Variants in RELN observed in about 807,000 individuals in gnomAD.
RELN encodes the protein reelin.
RELN carries 108 observed loss-of-function variants against 427.6 expected under a neutral mutation model. The observed-to-expected ratio is 0.25, with a 90% CI of 0.22 to 0.30. The LOEUF (loss-of-function observed/expected upper bound fraction) is 0.30. RELN is among the 10% of genes least tolerant of loss of function. The probability of loss-of-function intolerance (pLI) is 1.00; values close to 1 mark genes in which losing one functional copy is unlikely to be tolerated. For missense variants in RELN, 3,715 were observed against 4,302.8 expected (o/e 0.86, Z 3.82); for synonymous variants, 1,524 against 1,513.4 (o/e 1.01, Z -0.16).
intron 46 of RELN, among the ~76,000 whole-genome samples, chr7:103,533,169 GT>G (rs1185294201): frequency 6.6e-6 from 1 of 152,174 alleles, no homozygotes; most frequent in East Asian, 1.9e-4. Flanking sequence ...ATGGTCATGT[GT>G]TGAGTAGACA....
Position 103,526,377 on chromosome 7 carries a change from A to G in RELN, c.7350-2846T>C, listed in dbSNP as rs116029595. ...GGGAGTTGGCCCCTCAGGAGCAAAG[A>G]TAAGTGAGGGCTTTCATTTGTACTC... is the stretch of plus-strand genomic sequence containing the variant. On this transcript the variant is annotated intron_variant, in intron 46 of 64. Coordinates refer to ENST00000428762, the MANE Select transcript of RELN (RefSeq NM_005045.4). Among the ~76,000 whole-genome samples the G allele has an allele frequency of 3.4e-3, 511 of 152,356 alleles. 3 individuals carry two copies. The highest frequency in any genetic ancestry group is 0.012 in the African/African-American group (484 of 41,582).
chr7:103,627,036 C>T (rs1832343507), intron 20 of RELN, among the ~76,000 whole-genome samples: 1 of 151,924 alleles, frequency 6.6e-6, no homozygotes, highest in South Asian at 2.1e-4. Context: ...CCAAGTTTTC[C>T]CTGAAGAACA....
chr7:103,640,092 A>T lies in RELN; in HGVS notation c.2069+451T>A, dbSNP rs1832667297. 6.6e-6 allele frequency among the ~76,000 whole-genome samples: 1 copy of T among 152,234 alleles called. No homozygotes were observed. Among genetic ancestry groups the T allele is most frequent in the Non-Finnish European group, 1.5e-5 (1 of 68,026 alleles). On this transcript the variant is annotated intron_variant, in intron 17 of 64. Transcript: ENST00000428762. The surrounding 1 kb of genome is among the most constrained non-coding windows in gnomAD (Gnocchi z 4.1). ...AAAGTAAACAAGACGCTTAAGTTAT[A>T]TTTAAAGATGATGAATTTGCTTATC... is the stretch of plus-strand genomic sequence containing the variant.
rs200104310 is a variant in RELN at position 103,838,051 on chromosome 7, CA to C, written c.338-4380del. Reference sequence around the variant, plus strand: ...CGAAACACCGTCTCTACTAAAAATACAAAAAAAATTAGCTGGGTGTGGTGGT... The same window carrying C: ...CGAAACACCGTCTCTACTAAAAATACAAAAAAATTAGCTGGGTGTGGTGGT... On this transcript the variant is annotated intron_variant, in intron 2 of 64. Transcript: ENST00000428762. Among the ~76,000 whole-genome samples the C allele has an allele frequency of 1.5e-4, 23 of 150,776 alleles. No individual in the cohort carries two copies. The East Asian group carries it at 3.7e-3, about 24-fold the overall frequency.
chr7:103,893,844 A>G (rs1478794301), intron 2 of RELN, among the ~76,000 whole-genome samples: 1 of 152,182 alleles, frequency 6.6e-6, no homozygotes, highest in East Asian at 1.9e-4. Flanking sequence ...ACTAAGATAG[A>G]GTAATGTGTA....
At chr7:103,815,631 T>A (rs965303010) in intron 3 of RELN, among the ~76,000 whole-genome samples, 1 of 152,232 alleles carries the variant, frequency 6.6e-6, no homozygotes, top group African/African-American at 2.4e-5. Flanking sequence ...CTGTGAAAAG[T>A]AATTCCTGAG....
At chr7:103,826,320 A>G (rs1917381) in intron 3 of RELN, among the ~76,000 whole-genome samples, 58,847 of 121,876 alleles carry the variant, frequency 0.48, 11,936 homozygotes, top group South Asian at 0.57. Context: ...GACTAAGACA[A>G]TGTGTGTGTG....
intron 2 of RELN, among the ~76,000 whole-genome samples, chr7:103,844,113 C>T (rs535027734): frequency 6.6e-6 from 1 of 152,310 alleles, no homozygotes; most frequent in African/African-American, 2.4e-5. Flanking sequence ...AGATTTTACA[C>T]ATATGCAGGC....
rs1418947396 is a variant in RELN, at chr7:103,553,785, T to C, written c.5844A>G (p.Gly1948=). ...GCATCACAGGGTTGTTTACATTATT[T>C]CCATCGATAATGAAGTCATCAACAA... The part of the protein sequence containing the change: ...IWIVDDFIID[G]NNVNNPVMLL... The change falls in exon 39 of 65, where the codon GGA becomes GGG. Residue 1948 remains glycine (G), a synonymous_variant. Coordinates refer to ENST00000428762, the MANE Select transcript of RELN (RefSeq NM_005045.4). 1 of 1,614,030 alleles carries C rather than the reference T, an allele frequency of 6.2e-7. No individual in the cohort carries two copies. Among genetic ancestry groups the C allele is most frequent in the Non-Finnish European group, 8.5e-7 (1 of 1,179,906 alleles).
intron 1 of RELN, among the ~76,000 whole-genome samples, chr7:103,947,409 A>G (rs934738076): frequency 5.5e-4 from 84 of 152,322 alleles, no homozygotes; most frequent in African/African-American, 1.9e-3. Context: ...TCCTAATTCA[A>G]TAAGACTGAT....
intron 3 of RELN, among the ~76,000 whole-genome samples, chr7:103,800,910 AG>A (rs1563021409): frequency 6.6e-6 from 1 of 152,234 alleles, no homozygotes; most frequent in Non-Finnish European, 1.5e-5. Context: ...CTGATGAAAA[AG>A]TGGGCAAAGG....
intron 53 of RELN, 84 bp downstream of exon 53, chr7:103,500,661 A>G (rs1828995447): frequency 7.2e-7 from 1 of 1,379,578 alleles, no homozygotes; most frequent in African/African-American, 1.4e-5. Context: ...GGACATTGTT[A>G]TAGATTATGT....
At chr7:103,482,021 CTCAAGACTGGAAAA>C (rs965607883) in intron 63 of RELN, 1 of 152,128 alleles carries the variant, frequency 6.6e-6, no homozygotes, top group African/African-American at 2.4e-5. Context: ...CGAGGGCTAG[CTCAAGACTGGAAAA>C]TTCAGCTCAT....
At chr7:103,499,490 C>A (rs1013932742) in intron 53 of RELN, among the ~76,000 whole-genome samples, 1 of 152,154 alleles carries the variant, frequency 6.6e-6, no homozygotes, top group Non-Finnish European at 1.5e-5. Context: ...CCAATTTGTT[C>A]TAGTTGCAAT....
intron 2 of RELN, among the ~76,000 whole-genome samples, chr7:103,839,419 C>G (rs2116427870): frequency 6.7e-6 from 1 of 150,364 alleles, no homozygotes; most frequent in South Asian, 2.1e-4. Flanking sequence ...TATTAGAAAT[C>G]CATTGATCTA....
chr7:103,472,903 C>T lies in RELN; in HGVS notation c.10292G>A (p.Arg3431His), dbSNP rs1442266027. Residue 3431 changes from arginine (R) to histidine (H), a missense_variant, in exon 65 of 65, where the codon CGC becomes CAC. Coordinates refer to ENST00000428762, the MANE Select transcript of RELN (RefSeq NM_005045.4). ...AAAATTCATCATGTAATTTTGTTTG[C>T]GAGTGCTGTTAAAATCAAACAGGAT... ...DHVEVVLVST[R>H]KQNYMMNFSR... The T allele has an allele frequency of 3.0e-5, 48 of 1,613,118 alleles. No individual in the cohort carries two copies. Among genetic ancestry groups the T allele is most frequent in the Non-Finnish European group, 3.6e-5 (42 of 1,179,404 alleles).
intron 4 of RELN, among the ~76,000 whole-genome samples, chr7:103,773,517 T>C (rs1028405556): frequency 6.6e-6 from 1 of 150,974 alleles, no homozygotes; most frequent in African/African-American, 2.4e-5. Flanking sequence ...TTGCTCAGGC[T>C]GGAGTTCAGT....
At chr7:103,948,126 T>C (rs1406344811) in intron 1 of RELN, among the ~76,000 whole-genome samples, 1 of 152,228 alleles carries the variant, frequency 6.6e-6, no homozygotes, top group Non-Finnish European at 1.5e-5. Context: ...ACACTGTTAG[T>C]GTCTATAACC....
At chr7:103,706,461 G>A (rs1346587018) in intron 8 of RELN, among the ~76,000 whole-genome samples, 1 of 152,112 alleles carries the variant, frequency 6.6e-6, no homozygotes, top group Non-Finnish European at 1.5e-5. Context: ...GATAGGCCCT[G>A]CTATTAGTAG....
Sources: allele counts gnomAD v4.1 joint callset (sites outside exome capture counted in the v4.1 genomes callset), GRCh38; gene constraint gnomAD v4.1.1; non-coding constraint Gnocchi (gnomAD v3.1); transcripts MANE v1.5; gene names NCBI Gene and HGNC (gene_info 2026-07-23, HGNC 2026-07-21).